GPR139: variants seen among roughly 807,000 people sequenced by gnomAD.
GPR139 encodes the protein probable G protein-coupled receptor 139.
Under a neutral mutation model 25.8 loss-of-function variants are expected in GPR139, and 12 were observed. The ratio of observed to expected loss-of-function variants is 0.47; its 90% CI spans 0.30 to 0.75. The LOEUF (loss-of-function observed/expected upper bound fraction) is 0.75. GPR139 is among the 30% of genes least tolerant of loss of function. The pLI, the probability that GPR139 is intolerant of heterozygous loss-of-function variation, is 0.07. For missense variants in GPR139, 380 were observed against 450.2 expected (o/e 0.84, Z 1.41); for synonymous variants, 184 against 179.9 (o/e 1.02, Z -0.18).
intron 1 of GPR139, among the ~76,000 whole-genome samples, chr16:20,033,140 C>A (rs2057297552): frequency 1.3e-5 from 2 of 150,472 alleles, no homozygotes; most frequent in Non-Finnish European, 3.0e-5. Flanking sequence ...GTGGTGTTGC[C>A]ATTCTCCTCA....
intron 1 of GPR139, among the ~76,000 whole-genome samples, chr16:20,047,611 A>G (rs2057358769): frequency 6.6e-6 from 1 of 152,206 alleles, no homozygotes; most frequent in Non-Finnish European, 1.5e-5. Flanking sequence ...AAGGTTCCAG[A>G]ACATGTTTTA....
Position 20,030,589 on chromosome 16 carries a change from G to C in GPR139, c.*1146C>G, listed in dbSNP as rs956072012. On this transcript the variant is annotated 3_prime_UTR_variant, in exon 2 of 2. Coordinates refer to ENST00000570682, the MANE Select transcript of GPR139 (RefSeq NM_001002911.4). ...GATCTGGGTTAAATAGCTTTACCAA[G>C]AACTGGCACCCCCTTTTGAGCCATG... Among the ~76,000 whole-genome samples the C allele has an allele frequency of 1.0e-3, 6 of 5,982 alleles. No individual in the cohort carries two copies. Among genetic ancestry groups the C allele is most frequent in the African/African-American group, 2.0e-3 (2 of 1,016 alleles). 3.9% of individuals were successfully genotyped at this position (5,982 alleles called of 152,430 possible). A position where few individuals can be genotyped will look rare whatever the true frequency, so the allele number is the denominator to read the frequency against.
chr16:20,052,268 G>A (rs1048181949), intron 1 of GPR139, among the ~76,000 whole-genome samples: 6 of 152,214 alleles, frequency 3.9e-5, no homozygotes, highest in Non-Finnish European at 8.8e-5. Flanking sequence ...GCCTTTGCCT[G>A]TAATCTTGCC....
In GPR139 at chr16:20,031,480, A is replaced by G. The variant is rs1032513562; in HGVS notation, c.*255T>C. 6.0e-6 allele frequency: 3 copies of G among 502,380 alleles called. No individual in the cohort carries two copies. Among genetic ancestry groups the G allele is most frequent in the Non-Finnish European group, 7.2e-6 (2 of 279,346 alleles). 31.1% of individuals were successfully genotyped at this position (502,380 alleles called of 1,614,324 possible). A position where few individuals can be genotyped will look rare whatever the true frequency, so the allele number is the denominator to read the frequency against. On this transcript the variant is annotated 3_prime_UTR_variant, in exon 2 of 2. Coordinates refer to ENST00000570682, the MANE Select transcript of GPR139 (RefSeq NM_001002911.4). The stretch of plus-strand genomic sequence containing the variant: ...TCACAGGATGATGACACAAGCTCCA[A>G]TGGCATCTTCAAACTGGTAGGAGCT...
chr16:20,069,706 T>A (rs1338617777), intron 1 of GPR139, among the ~76,000 whole-genome samples: 6 of 152,074 alleles, frequency 3.9e-5, no homozygotes, highest in Non-Finnish European at 5.9e-5. Context: ...TAGAAGGTAA[T>A]TTTTTTTAAA....
intron 1 of GPR139, among the ~76,000 whole-genome samples, chr16:20,062,445 G>A (rs1042238240): frequency 2.6e-5 from 4 of 152,106 alleles, no homozygotes; most frequent in African/African-American, 9.7e-5. Context: ...AGACTTGAGG[G>A]GAAAGAAAAG....
At chr16:20,055,602 A>G (rs1269815562) in intron 1 of GPR139, among the ~76,000 whole-genome samples, 1 of 152,228 alleles carries the variant, frequency 6.6e-6, no homozygotes, top group Non-Finnish European at 1.5e-5. Flanking sequence ...TGGTTTGTGG[A>G]GATGTATCTT....
intron 1 of GPR139, among the ~76,000 whole-genome samples, chr16:20,041,743 G>A (rs1172596095): frequency 6.6e-6 from 1 of 152,152 alleles, no homozygotes; most frequent in Non-Finnish European, 1.5e-5. Context: ...CTGACAGGTG[G>A]CCAGTGGCCA....
intron 1 of GPR139, among the ~76,000 whole-genome samples, chr16:20,046,204 G>A (rs1173744004): frequency 2.0e-5 from 3 of 152,184 alleles, no homozygotes; most frequent in Non-Finnish European, 2.9e-5. Context: ...ATTCTCCTAT[G>A]AAGACAAGGA....
intron 1 of GPR139, among the ~76,000 whole-genome samples, chr16:20,058,334 AGTGTGTGTGT>A (rs56090244): frequency 6.7e-6 from 1 of 149,670 alleles, no homozygotes; most frequent in Admixed American, 6.7e-5. Flanking sequence ...ATGGATGTGG[AGTGTGTGTGT>A]GTGTGTGTGT....
At chr16:20,061,407 A>G (rs1200129299) in intron 1 of GPR139, among the ~76,000 whole-genome samples, 2 of 151,866 alleles carry the variant, frequency 1.3e-5, no homozygotes, top group Non-Finnish European at 2.9e-5. Flanking sequence ...GGATAGATGA[A>G]TGGATGGGGG....
chr16:20,047,582 A>T (rs996472025), intron 1 of GPR139, among the ~76,000 whole-genome samples: 1 of 152,198 alleles, frequency 6.6e-6, no homozygotes, highest in African/African-American at 2.4e-5. Flanking sequence ...ATCGGGGGGA[A>T]AATGAACTAG....
In GPR139 at chr16:20,029,167, CA is replaced by C. The variant is rs1259928466; in HGVS notation, c.*2567del. Among the ~76,000 whole-genome samples the C allele has an allele frequency of 3.9e-5, 6 of 152,030 alleles. No homozygotes were observed. Among genetic ancestry groups the C allele is most frequent in the African/African-American group, 1.2e-4 (5 of 41,394 alleles). ...TGGACCTCTTTTAAATATCATGTAGCAAAATATAAAATATATTCGGAGGAAA... is the reference window on the plus strand; with the variant it reads ...TGGACCTCTTTTAAATATCATGTAGCAAATATAAAATATATTCGGAGGAAA... On this transcript the variant is annotated 3_prime_UTR_variant, in exon 2 of 2. Coordinates refer to ENST00000570682, the MANE Select transcript of GPR139 (RefSeq NM_001002911.4).
chr16:20,038,750 T>C (rs371631334), intron 1 of GPR139, among the ~76,000 whole-genome samples: 1 of 152,130 alleles, frequency 6.6e-6, no homozygotes, highest in Non-Finnish European at 1.5e-5. Context: ...ATTGATTTTC[T>C]GAAAAAGAAA....
At position 20,031,597 on chromosome 16, in the gene GPR139, C is replaced by G. The variant is rs973938056; in HGVS notation, c.*138G>C. 2 of 672,076 alleles carry G rather than the reference C, an allele frequency of 3.0e-6. No individual in the cohort carries two copies. Among genetic ancestry groups the G allele is most frequent in the Non-Finnish European group, 5.3e-6 (2 of 375,854 alleles). 41.6% of individuals were successfully genotyped at this position (672,076 alleles called of 1,614,324 possible). On this transcript the variant is annotated 3_prime_UTR_variant, in exon 2 of 2. Coordinates refer to ENST00000570682, the MANE Select transcript of GPR139 (RefSeq NM_001002911.4). ...TTCTCTTCCATCTCTTCTCATCTAC[C>G]AGTCTGAGAATTGCCCAGTCTGCGG...
chr16:20,073,413 G>A lies in GPR139; in HGVS notation c.127+77C>T. 2.6e-6 allele frequency: 4 copies of A among 1,560,582 alleles called. No individual in the cohort carries two copies. The highest frequency in any genetic ancestry group is 3.5e-6 in the Non-Finnish European group (4 of 1,151,484). On this transcript the variant is annotated intron_variant, in intron 1 of 1. Coordinates refer to ENST00000570682, the MANE Select transcript of GPR139 (RefSeq NM_001002911.4). The surrounding 1 kb of genome is among the most constrained non-coding windows in gnomAD (Gnocchi z 4.7). ...AGGGGGCGCCAGGGAACGCACGGGG[G>A]AGGACGGGGGATTCTGGGTAGGGTT...
chr16:20,039,592 T>C (rs2057323301), intron 1 of GPR139, among the ~76,000 whole-genome samples: 1 of 152,192 alleles, frequency 6.6e-6, no homozygotes, highest in African/African-American at 2.4e-5. Context: ...TCTCACTTAA[T>C]CTTCACAACT....
chr16:20,070,698 T>G (rs573671570), intron 1 of GPR139, among the ~76,000 whole-genome samples: 4 of 152,212 alleles, frequency 2.6e-5, no homozygotes, highest in Non-Finnish European at 5.9e-5. Context: ...CTGCGAGAAT[T>G]TGGGAAACTT....
At position 20,073,663 on chromosome 16, in the gene GPR139, C is replaced by T. The variant is rs750411330; in HGVS notation, c.-47G>A. The T allele has an allele frequency of 1.3e-6, 2 of 1,509,910 alleles. No individual in the cohort carries two copies. The highest frequency in any genetic ancestry group is 1.3e-5 in the South Asian group (1 of 77,030). The allele number at this position is 1,509,910 out of a possible 1,614,324, so 93.5% of individuals were successfully genotyped here. On this transcript the variant is annotated 5_prime_UTR_variant, in exon 1 of 2. Coordinates refer to ENST00000570682, the MANE Select transcript of GPR139 (RefSeq NM_001002911.4). This position sits in a 1 kb window ranked among gnomAD's most constrained non-coding sequence, Gnocchi z 4.7. ...TGCCGCTTCGCGCCCGGCCTGCCAG[C>T]CCGACTCTGGTCGCCGGCTCGGTGG... is the stretch of plus-strand genomic sequence containing the variant.
Sources: allele counts gnomAD v4.1 joint callset (sites outside exome capture counted in the v4.1 genomes callset), GRCh38; gene constraint gnomAD v4.1.1; non-coding constraint Gnocchi (gnomAD v3.1); transcripts MANE v1.5; gene names NCBI Gene and HGNC (gene_info 2026-07-23, HGNC 2026-07-21).